The following NAALADL2 variants were observed in gnomAD, a reference collection of about 807,000 sequenced individuals.
NAALADL2 encodes N-acetylated alpha-linked acidic dipeptidase like 2.
Under a neutral mutation model 87.2 loss-of-function variants are expected in NAALADL2, and 76 were observed. That is an observed-to-expected ratio of 0.87 (90% CI 0.72 to 1.05). The LOEUF is 1.05. NAALADL2 is among the 50% of genes least tolerant of loss of function. The pLI is 0.00. For synonymous variants in NAALADL2, 354 were observed against 331.0 expected (o/e 1.07, Z -0.75); for missense variants, 1,089 against 945.8 (o/e 1.15, Z -1.99).
chr3:175,758,893 G>T (rs946385341), intron 13 of NAALADL2, among the ~76,000 whole-genome samples: 1 of 151,904 alleles, frequency 6.6e-6, no homozygotes, highest in East Asian at 1.9e-4. Context: ...ACACAAGAAA[G>T]AAGTAAAAGA....
At chr3:175,370,517 T>C (rs904167964) in intron 5 of NAALADL2, among the ~76,000 whole-genome samples, 3 of 152,058 alleles carry the variant, frequency 2.0e-5, no homozygotes, top group African/African-American at 7.2e-5. Flanking sequence ...GGAGGGATTT[T>C]ATAAAAATAG....
chr3:175,444,324 A>C (rs1720321672), intron 5 of NAALADL2, among the ~76,000 whole-genome samples: 1 of 152,208 alleles, frequency 6.6e-6, no homozygotes, highest in Non-Finnish European at 1.5e-5. Flanking sequence ...ATACTGGGAA[A>C]ACCAGATGGC....
At chr3:174,926,088 A>G (rs1244769544) in intron 1 of NAALADL2, among the ~76,000 whole-genome samples, 7 of 152,206 alleles carry the variant, frequency 4.6e-5, no homozygotes, top group Non-Finnish European at 1.0e-4. Context: ...GATTCAATCA[A>G]GTGGAAGAAA....
At chr3:175,524,213 G>A (rs1333675526) in intron 9 of NAALADL2, among the ~76,000 whole-genome samples, 3 of 151,980 alleles carry the variant, frequency 2.0e-5, no homozygotes, top group South Asian at 2.1e-4. Flanking sequence ...TTCTTTTTTG[G>A]TTTTGGTCTT....
At chr3:175,281,439 T>C (rs1190158910) in intron 4 of NAALADL2, among the ~76,000 whole-genome samples, 1 of 151,798 alleles carries the variant, frequency 6.6e-6, no homozygotes, top group Non-Finnish European at 1.5e-5. Flanking sequence ...ACCTTTGCAA[T>C]GTGTGTATTT....
At chr3:174,994,359 C>T (rs1425732278) in intron 1 of NAALADL2, among the ~76,000 whole-genome samples, 3 of 152,188 alleles carry the variant, frequency 2.0e-5, no homozygotes, top group African/African-American at 7.2e-5. Flanking sequence ...CCAGAAGCCA[C>T]AGTTCACTTA....
chr3:174,699,159 G>A (rs1482516525), intron 2 of NAALADL2, among the ~76,000 whole-genome samples: 2 of 152,018 alleles, frequency 1.3e-5, no homozygotes, highest in East Asian at 1.9e-4. Flanking sequence ...AACATTATGA[G>A]TAATTTCTTT....
chr3:174,887,782 C>T (rs917132132), intron 1 of NAALADL2, among the ~76,000 whole-genome samples: 48 of 150,382 alleles, frequency 3.2e-4, no homozygotes, highest in Non-Finnish European at 2.9e-4. Context: ...GGCAACAGAG[C>T]GATACCCTGT....
intron 9 of NAALADL2, among the ~76,000 whole-genome samples, 179 bp downstream of exon 9, chr3:175,471,937 G>A (rs1172122970): frequency 6.6e-6 from 1 of 151,730 alleles, no homozygotes; most frequent in Non-Finnish European, 1.5e-5. Context: ...CTTATGTTCT[G>A]GAATTCTTCA....
intron 9 of NAALADL2, among the ~76,000 whole-genome samples, chr3:175,515,436 G>A (rs944992964): frequency 2.0e-5 from 3 of 152,004 alleles, no homozygotes; most frequent in African/African-American, 7.2e-5. Flanking sequence ...TGAATCTTAT[G>A]ATTATTGATC....
intron 2 of NAALADL2, among the ~76,000 whole-genome samples, chr3:174,730,346 A>G (rs899830249): frequency 2.0e-5 from 3 of 152,068 alleles, no homozygotes; most frequent in Admixed American, 6.6e-5. Flanking sequence ...AAGTTTTTGT[A>G]TCAGAATTCG....
chr3:175,319,863 G>C (rs1051339434), intron 4 of NAALADL2, among the ~76,000 whole-genome samples: 5 of 152,158 alleles, frequency 3.3e-5, no homozygotes, highest in African/African-American at 1.2e-4. Flanking sequence ...GGCTGCATCT[G>C]TCTCATTCAT....
intron 1 of NAALADL2, among the ~76,000 whole-genome samples, chr3:175,018,024 AATG>A (rs1413535617): frequency 6.6e-6 from 1 of 152,030 alleles, no homozygotes; most frequent in Non-Finnish European, 1.5e-5. Flanking sequence ...ACCTGTCAAA[AATG>A]ATATTAGCAT....
At chr3:174,451,041 A>G (rs573164033) in intron 1 of NAALADL2, among the ~76,000 whole-genome samples, 60 of 152,282 alleles carry the variant, frequency 3.9e-4, no homozygotes, top group Middle Eastern at 3.4e-3. Flanking sequence ...ATTTATTTTA[A>G]TGGTTATTCG....
intron 5 of NAALADL2, among the ~76,000 whole-genome samples, chr3:175,426,894 C>A (rs1716873270): frequency 6.6e-6 from 1 of 152,126 alleles, no homozygotes; most frequent in Admixed American, 6.6e-5. Context: ...TTGTAGGATG[C>A]ACAATTCCAT....
chr3:175,700,091 T>G (rs570410711), intron 11 of NAALADL2, among the ~76,000 whole-genome samples: 8 of 152,286 alleles, frequency 5.3e-5, no homozygotes, highest in African/African-American at 1.7e-4. Context: ...ATCAACTGTG[T>G]ACTACAGTGC....
At chr3:174,619,824 T>C (rs1306302093) in intron 2 of NAALADL2, among the ~76,000 whole-genome samples, 1 of 152,012 alleles carries the variant, frequency 6.6e-6, no homozygotes, top group Non-Finnish European at 1.5e-5. Flanking sequence ...CAGATTTCAG[T>C]GTGTTGTCAT....
At chr3:175,598,178 G>A (rs561479242) in intron 10 of NAALADL2, among the ~76,000 whole-genome samples, 1 of 151,988 alleles carries the variant, frequency 6.6e-6, no homozygotes, top group African/African-American at 2.4e-5. Flanking sequence ...TGTTTTGAAT[G>A]ACTTTGGACT....
chr3:175,212,513 C>T (rs1485282008), intron 2 of NAALADL2, among the ~76,000 whole-genome samples: 1 of 151,986 alleles, frequency 6.6e-6, no homozygotes, highest in Admixed American at 6.6e-5. Context: ...TGACACACAT[C>T]AGGAATCAGG....
Sources: allele counts gnomAD v4.1 joint callset (sites outside exome capture counted in the v4.1 genomes callset), GRCh38; gene constraint gnomAD v4.1.1; transcripts MANE v1.5; gene names NCBI Gene and HGNC (gene_info 2026-07-23, HGNC 2026-07-21).